ODR4: variants seen among roughly 807,000 people sequenced by gnomAD.
ODR4 encodes protein odr-4 homolog.
Under a neutral mutation model 60.2 loss-of-function variants are expected in ODR4, and 47 were observed. That is an observed-to-expected ratio of 0.78 (90% CI 0.62 to 1.00). The LOEUF (loss-of-function observed/expected upper bound fraction) is 1.00. Among genes scored for constraint, ODR4 ranks in the 50% least tolerant of loss-of-function variants. The pLI is 0.00. For missense variants in ODR4, 488 were observed against 530.8 expected, an observed-to-expected ratio of 0.92 and a Z score of 0.79; for synonymous variants, 178 against 175.5, an observed-to-expected ratio of 1.01 and a Z score of -0.11.
At chr1:186,413,835 G>T (rs1661457508) in intron 12 of ODR4, among the ~76,000 whole-genome samples, 1 of 152,158 alleles carries the variant, frequency 6.6e-6, no homozygotes, top group Admixed American at 6.6e-5. Flanking sequence ...CTTCTAAATA[G>T]TTCTGCCTAC....
chr1:186,421,855 C>CT (rs1253288769), downstream of ODR4, among the ~76,000 whole-genome samples: 5 of 98,896 alleles, frequency 5.1e-5, no homozygotes, highest in Non-Finnish European at 9.6e-5. Context: ...GAGTGAGACT[C>CT]TATCTCAAAA....
At chr1:186,395,735 C>T (rs1383863912) in intron 9 of ODR4, among the ~76,000 whole-genome samples, 1 of 152,072 alleles carries the variant, frequency 6.6e-6, no homozygotes, top group African/African-American at 2.4e-5. Context: ...AAATACTTTC[C>T]ATTTATCTAC....
chr1:186,430,442 A>T, the ODR4 span, among the ~76,000 whole-genome samples: 1 of 152,094 alleles, frequency 6.6e-6, no homozygotes. Context: ...GAACTTAATG[A>T]TAGAGATGAA....
chr1:186,414,089 G>A (rs1661466294), intron 12 of ODR4, among the ~76,000 whole-genome samples: 1 of 152,140 alleles, frequency 6.6e-6, no homozygotes, highest in Admixed American at 6.5e-5. Flanking sequence ...AAATAACACA[G>A]TGCCTGAGAT....
chr1:186,425,388 T>C (rs1223319131), downstream of ODR4, among the ~76,000 whole-genome samples: 3 of 152,186 alleles, frequency 2.0e-5, no homozygotes, highest in Non-Finnish European at 2.9e-5. Context: ...TGAACTCCAA[T>C]TGGGCACGTC....
chr1:186,415,173 A>T (rs1661516908), intron 12 of ODR4, among the ~76,000 whole-genome samples: 2 of 152,172 alleles, frequency 1.3e-5, no homozygotes, highest in Non-Finnish European at 2.9e-5. Context: ...AGAAAAAAGA[A>T]TAGTGGTGCC....
chr1:186,404,071 T>A lies in ODR4; in HGVS notation c.1001-2012T>A, dbSNP rs57839706. Among the ~76,000 whole-genome samples the A allele has an allele frequency of 6.8e-3, 1,037 of 152,364 alleles. 18 individuals carry two copies. Among genetic ancestry groups the A allele is most frequent in the African/African-American group, 0.024 (999 of 41,592 alleles). On this transcript the variant is annotated intron_variant, in intron 11 of 13. Transcript: ENST00000287859. ...ATAAATAACTTAAAAGTTTCAGTACTACTCTGATACCAGCTAGGACATTTA... is the reference window on the plus strand; with the variant it reads ...ATAAATAACTTAAAAGTTTCAGTACAACTCTGATACCAGCTAGGACATTTA...
intron 12 of ODR4, among the ~76,000 whole-genome samples, chr1:186,415,234 T>C (rs1469942513): frequency 6.6e-6 from 1 of 152,140 alleles, no homozygotes; most frequent in Non-Finnish European, 1.5e-5. Flanking sequence ...AATCATAAAC[T>C]TTTCTTTGTG....
At chr1:186,391,480 G>A (rs1002458413) in intron 7 of ODR4, among the ~76,000 whole-genome samples, 2 of 150,316 alleles carry the variant, frequency 1.3e-5, no homozygotes, top group Non-Finnish European at 3.0e-5. Context: ...TGTTATTCTG[G>A]GATAAAGATC....
intron 9 of ODR4, among the ~76,000 whole-genome samples, chr1:186,396,019 A>T (rs1251235963): frequency 1.3e-5 from 2 of 152,114 alleles, no homozygotes; most frequent in African/African-American, 4.8e-5. Flanking sequence ...GTATTTCCTG[A>T]ACTATGTATC....
intron 12 of ODR4, among the ~76,000 whole-genome samples, chr1:186,414,524 CTT>C (rs753376955): frequency 1.4e-4 from 20 of 139,376 alleles, no homozygotes; most frequent in Non-Finnish European, 1.6e-4. Context: ...AAACAAAAAC[CTT>C]TTTTTTTTTT....
At chr1:186,391,530 T>A (rs1660469283) in intron 7 of ODR4, among the ~76,000 whole-genome samples, 166 bp from the exon 8 acceptor site, 1 of 151,214 alleles carries the variant, frequency 6.6e-6, no homozygotes, top group Non-Finnish European at 1.5e-5. Context: ...GTATCAAGAA[T>A]GGGGGTATAC....
chr1:186,396,820 TA>T (rs1226790780), intron 9 of ODR4, among the ~76,000 whole-genome samples: 2 of 152,008 alleles, frequency 1.3e-5, no homozygotes, highest in East Asian at 1.9e-4. Context: ...TGTTATATGT[TA>T]AAAATATATA....
intron 1 of ODR4, among the ~76,000 whole-genome samples, chr1:186,377,239 T>TA (rs1659818116): frequency 1.3e-5 from 2 of 152,202 alleles, no homozygotes. Context: ...AATCATGCTT[T>TA]AAAAAAATAA....
chr1:186,425,662 C>T (rs2102111388), downstream of ODR4, among the ~76,000 whole-genome samples: 1 of 152,292 alleles, frequency 6.6e-6, no homozygotes, highest in Admixed American at 6.5e-5. Context: ...ACAAAATGTG[C>T]TCATAAGATT....
At chr1:186,423,443 CTTTTTT>C (rs34515188), downstream of ODR4, among the ~76,000 whole-genome samples, 1 of 44,714 alleles carries the variant, frequency 2.2e-5, no homozygotes. Flanking sequence ...ACTACTTGTG[CTTTTTT>C]TTTTTTTTTT....
At chr1:186,417,865 T>C (rs1384476543) in intron 13 of ODR4, among the ~76,000 whole-genome samples, 1 of 152,178 alleles carries the variant, frequency 6.6e-6, no homozygotes, top group Non-Finnish European at 1.5e-5. Flanking sequence ...TGACACATCC[T>C]ATTAATTTTT....
At chr1:186,406,702 T>C (rs1315249167) in intron 12 of ODR4, among the ~76,000 whole-genome samples, 2 of 152,184 alleles carry the variant, frequency 1.3e-5, no homozygotes, top group Admixed American at 6.5e-5. Flanking sequence ...TTTTTTCATA[T>C]ACCTTTCATG....
chr1:186,424,986 A>AC (rs1206700622), downstream of ODR4, among the ~76,000 whole-genome samples: 21 of 147,724 alleles, frequency 1.4e-4, no homozygotes, highest in South Asian at 2.1e-4. Context: ...AAAAAAAAAA[A>AC]CCCCTTTTTG....
Sources: allele counts gnomAD v4.1 joint callset (sites outside exome capture counted in the v4.1 genomes callset), GRCh38; gene constraint gnomAD v4.1.1; transcripts MANE v1.5; gene names NCBI Gene and HGNC (gene_info 2026-07-23, HGNC 2026-07-21).